The following COX7B2 variants were observed in gnomAD, a reference collection of about 807,000 sequenced individuals.
The protein encoded by COX7B2 is cytochrome c oxidase subunit 7B2.
For missense variants in COX7B2, 109 were observed against 95.9 expected (o/e 1.14, Z -0.57); for synonymous variants, 37 against 32.1 (o/e 1.15, Z -0.51).
At chr4:46,765,698 G>A (rs892799012) in intron 2 of COX7B2, among the ~76,000 whole-genome samples, 4 of 151,978 alleles carry the variant, frequency 2.6e-5, no homozygotes, top group African/African-American at 9.7e-5. Flanking sequence ...TGTGGCCCCA[G>A]GCACATCACT....
chr4:46,800,178 A>C (rs1718579081), intron 2 of COX7B2, among the ~76,000 whole-genome samples: 1 of 152,148 alleles, frequency 6.6e-6, no homozygotes, highest in African/African-American at 2.4e-5. Context: ...ATATCATTAA[A>C]GTGACCATAC....
At chr4:46,907,848 CTT>C (rs35024713) in intron 1 of COX7B2, among the ~76,000 whole-genome samples, 37 of 59,716 alleles carry the variant, frequency 6.2e-4, no homozygotes, top group South Asian at 1.4e-3. Context: ...TTTGAGCAGA[CTT>C]TTTTTTTTTT....
intron 1 of COX7B2, among the ~76,000 whole-genome samples, chr4:46,885,225 G>C (rs1415759380): frequency 6.6e-6 from 1 of 151,870 alleles, no homozygotes; most frequent in African/African-American, 2.4e-5. Flanking sequence ...GGCACTACTG[G>C]ATATAAATGT....
rs561218644 is a variant in COX7B2, at chr4:46,815,402, T to C, written c.-50+29558A>G. Among the ~76,000 whole-genome samples the C allele has an allele frequency of 2.0e-3, 297 of 152,258 alleles. 1 individual carries two copies. The South Asian group carries it at 0.028, about 14-fold the overall frequency. On this transcript the variant is annotated intron_variant, in intron 2 of 2. Coordinates refer to ENST00000355591, the MANE Select transcript of COX7B2 (RefSeq NM_130902.3). ...GACAGTCACATTTATTATTATGGCC[T>C]GCAGTGTAATAATTATCTATCCTAC... is the stretch of plus-strand genomic sequence containing the variant.
chr4:46,799,825 G>A (rs1718556300), intron 2 of COX7B2, among the ~76,000 whole-genome samples: 1 of 151,942 alleles, frequency 6.6e-6, no homozygotes, highest in Non-Finnish European at 1.5e-5. Context: ...TTTTCATTGT[G>A]TCTCTGGCCA....
intron 1 of COX7B2, among the ~76,000 whole-genome samples, chr4:46,862,766 TTGAA>T (rs757167856): frequency 7.5e-4 from 114 of 152,206 alleles, no homozygotes; most frequent in Non-Finnish European, 1.3e-3. Context: ...GGAAGTAACT[TTGAA>T]TGATGACTAG....
chr4:46,771,551 T>A (rs1490049181), intron 2 of COX7B2, among the ~76,000 whole-genome samples: 1 of 152,088 alleles, frequency 6.6e-6, no homozygotes, highest in Non-Finnish European at 1.5e-5. Flanking sequence ...ATTTCAGATT[T>A]TTTTTTTTAT....
At chr4:46,773,419 C>T (rs1349864291) in intron 2 of COX7B2, among the ~76,000 whole-genome samples, 3 of 152,132 alleles carry the variant, frequency 2.0e-5, no homozygotes. Context: ...TTTGCTTCCC[C>T]TTCTGCATGA....
At chr4:46,908,573 G>T (rs1720545195) in intron 1 of COX7B2, among the ~76,000 whole-genome samples, 1 of 152,108 alleles carries the variant, frequency 6.6e-6, no homozygotes, top group Non-Finnish European at 1.5e-5. Flanking sequence ...CTTTAGCCAT[G>T]CCAGAAGATA....
intron 1 of COX7B2, among the ~76,000 whole-genome samples, chr4:46,863,429 A>G (rs1326067582): frequency 6.6e-6 from 1 of 152,190 alleles, no homozygotes; most frequent in Non-Finnish European, 1.5e-5. Context: ...TCATGAAGGA[A>G]TTTTGTGTGT....
At chr4:46,874,871 G>A (rs1054173824) in intron 1 of COX7B2, among the ~76,000 whole-genome samples, 5 of 152,108 alleles carry the variant, frequency 3.3e-5, no homozygotes, top group African/African-American at 1.2e-4. Context: ...GTACATAGAC[G>A]TATAATCATA....
intron 2 of COX7B2, among the ~76,000 whole-genome samples, chr4:46,803,250 G>GT (rs1336370751): frequency 3.3e-5 from 5 of 152,066 alleles, no homozygotes; most frequent in African/African-American, 9.7e-5. Flanking sequence ...GGCTTTGCGC[G>GT]TAATTTCTTC....
intron 2 of COX7B2, among the ~76,000 whole-genome samples, chr4:46,808,312 T>C (rs890066278): frequency 2.6e-5 from 4 of 151,920 alleles, no homozygotes; most frequent in African/African-American, 9.6e-5. Context: ...CTTAGGGTCT[T>C]TTTTAGTTAG....
At chr4:46,801,766 G>T (rs1256143629) in intron 2 of COX7B2, among the ~76,000 whole-genome samples, 1 of 152,092 alleles carries the variant, frequency 6.6e-6, no homozygotes, top group South Asian at 2.1e-4. Context: ...GGAGCAAAAA[G>T]AAATATTCCA....
In COX7B2 at chr4:46,774,048, T is replaced by C. The variant is rs568430379; in HGVS notation, c.-49-38807A>G. Among the ~76,000 whole-genome samples, 7 of 152,282 alleles carry C rather than the reference T, an allele frequency of 4.6e-5. No homozygotes were observed. In the East Asian group the frequency reaches 1.4e-3, roughly 29 times the overall value. On this transcript the variant is annotated intron_variant, in intron 2 of 2. Transcript: ENST00000355591. ...GGACAGCTCATTAACAATCTCCTGC[T>C]AGACAGTCAGATCCAACAGAATTAG...
intron 1 of COX7B2, among the ~76,000 whole-genome samples, chr4:46,898,386 G>C (rs944745080): frequency 1.3e-4 from 19 of 151,732 alleles, no homozygotes; most frequent in African/African-American, 4.4e-4. Flanking sequence ...TTCCCTAATT[G>C]GCCATCCTGA....
At chr4:46,805,144 G>C (rs1292064172) in intron 2 of COX7B2, among the ~76,000 whole-genome samples, 1 of 152,180 alleles carries the variant, frequency 6.6e-6, no homozygotes, top group Non-Finnish European at 1.5e-5. Context: ...CAAGCACCGG[G>C]CAGCCCCAGT....
intron 2 of COX7B2, among the ~76,000 whole-genome samples, chr4:46,844,448 T>C (rs993669138): frequency 4.6e-5 from 7 of 151,900 alleles, no homozygotes; most frequent in East Asian, 3.9e-4. Context: ...CACCATCTAA[T>C]AGCAAAATGA....
chr4:46,778,299 T>C (rs1202139613), intron 2 of COX7B2, among the ~76,000 whole-genome samples: 1 of 152,160 alleles, frequency 6.6e-6, no homozygotes, highest in Admixed American at 6.5e-5. Flanking sequence ...TTAACCTAGT[T>C]CATATTACAC....
Sources: gnomAD v4.1 joint callset for allele counts (sites outside exome capture counted in the v4.1 genomes callset) on GRCh38, gnomAD v4.1.1 for gene constraint, MANE v1.5 for transcripts, NCBI Gene and HGNC (gene_info 2026-07-23, HGNC 2026-07-21) for gene names.